Variants in SGCD observed in about 807,000 individuals in gnomAD.
The protein encoded by SGCD is sarcoglycan delta.
SGCD carries 18 observed loss-of-function variants against 36.6 expected under a neutral mutation model. That is an observed-to-expected ratio of 0.49 (90% CI 0.34 to 0.73). SGCD has a LOEUF of 0.73. Among genes scored for constraint, SGCD ranks in the 30% least tolerant of loss-of-function variants. SGCD has a pLI of 0.01. For missense variants in SGCD, 387 were observed against 346.7 expected, an observed-to-expected ratio of 1.12 and a Z score of -0.92; for synonymous variants, 133 against 130.6, an observed-to-expected ratio of 1.02 and a Z score of -0.12.
At chr5:156,691,244 C>G (rs919929566) in intron 7 of SGCD, among the ~76,000 whole-genome samples, 1 of 149,718 alleles carries the variant, frequency 6.7e-6, no homozygotes, top group Non-Finnish European at 1.5e-5. Flanking sequence ...ACCCAAACTT[C>G]CATTATAGAC....
chr5:155,861,380 G>A, the SGCD span, among the ~76,000 whole-genome samples: 2 of 152,084 alleles, frequency 1.3e-5, no homozygotes, highest in Non-Finnish European at 2.9e-5. Context: ...GCAGTTCAGG[G>A]TGCTGTTTTT....
chr5:156,256,999 C>G (rs575753082), intron 3 of SGCD, among the ~76,000 whole-genome samples: 1 of 151,858 alleles, frequency 6.6e-6, no homozygotes. Flanking sequence ...GGCAACATAA[C>G]GAGACCCCCA....
intron 1 of SGCD, among the ~76,000 whole-genome samples, chr5:155,880,758 C>G (rs771660218): frequency 2.0e-5 from 3 of 152,062 alleles, no homozygotes; most frequent in Non-Finnish European, 4.4e-5. Flanking sequence ...TTTGCATTCT[C>G]AACAGGAAGT....
chr5:155,782,834 G>A, the SGCD span, among the ~76,000 whole-genome samples: 15 of 152,124 alleles, frequency 9.9e-5, no homozygotes, highest in Non-Finnish European at 1.9e-4. Context: ...ATCTGAGGTG[G>A]AACAGTTCAT....
intron 1 of SGCD, among the ~76,000 whole-genome samples, chr5:156,002,332 T>C (rs1435779387): frequency 1.3e-5 from 2 of 152,328 alleles, no homozygotes; most frequent in South Asian, 4.1e-4. Context: ...CGGCCCTACC[T>C]ACCCTTTGGT....
chr5:155,998,122 A>G (rs1758593333), intron 1 of SGCD, among the ~76,000 whole-genome samples: 1 of 152,216 alleles, frequency 6.6e-6, no homozygotes, highest in Non-Finnish European at 1.5e-5. Flanking sequence ...CAGATGCTGG[A>G]TGCTTTTAAT....
the SGCD span, among the ~76,000 whole-genome samples, chr5:155,818,832 T>A: frequency 6.6e-6 from 1 of 152,180 alleles, no homozygotes; most frequent in Non-Finnish European, 1.5e-5. Flanking sequence ...GGAATGGAGA[T>A]ACTTACGGAG....
In SGCD at chr5:156,293,189, CT is replaced by C. The variant is rs758517517; in HGVS notation, c.-43-36344del. Among the ~76,000 whole-genome samples, 34 of 152,150 alleles carry C rather than the reference CT, an allele frequency of 2.2e-4. No homozygotes were observed. In the East Asian group the frequency reaches 3.1e-3, roughly 14 times the overall value. ...TTCAAGGCTCAAGTGATCCTCCTGC[CT>C]CAGTTTTCCAAACAGCTGAAATTAG... On this transcript the variant is annotated intron_variant, in intron 3 of 9. Transcript: ENST00000517913.
At chr5:155,943,100 C>A (rs991716919) in intron 1 of SGCD, among the ~76,000 whole-genome samples, 1 of 152,118 alleles carries the variant, frequency 6.6e-6, no homozygotes, top group Non-Finnish European at 1.5e-5. Flanking sequence ...AGTAGATTTT[C>A]CATAGAGGTT....
intron 3 of SGCD, among the ~76,000 whole-genome samples, chr5:156,453,376 C>T (rs190032833): frequency 2.0e-5 from 3 of 152,248 alleles, no homozygotes; most frequent in African/African-American, 7.2e-5. Flanking sequence ...GCACCCCCAC[C>T]ATCACAAGTA....
intron 1 of SGCD, among the ~76,000 whole-genome samples, chr5:156,078,681 C>T (rs1293046096): frequency 1.4e-5 from 2 of 146,178 alleles, no homozygotes; most frequent in Admixed American, 6.9e-5. Flanking sequence ...CATATATATG[C>T]GTGTGTGTGT....
At chr5:155,906,659 CTT>C in intron 1 of SGCD, among the ~76,000 whole-genome samples, 1 of 152,250 alleles carries the variant, frequency 6.6e-6, no homozygotes, top group Non-Finnish European at 1.5e-5. Flanking sequence ...CCCTAACTCT[CTT>C]TAATTCTTTG....
intron 3 of SGCD, among the ~76,000 whole-genome samples, chr5:156,389,249 G>A (rs1258243260): frequency 3.9e-5 from 6 of 152,136 alleles, no homozygotes. Flanking sequence ...ATTTGAAATT[G>A]TGCCATGGAG....
intron 3 of SGCD, among the ~76,000 whole-genome samples, chr5:156,452,015 A>C (rs1754041277): frequency 6.6e-6 from 1 of 152,148 alleles, no homozygotes. Flanking sequence ...GAGAGAAGCT[A>C]CTTCCCTTGC....
intron 3 of SGCD, among the ~76,000 whole-genome samples, chr5:156,242,041 T>C (rs138744700): frequency 3.3e-5 from 5 of 152,250 alleles, no homozygotes; most frequent in Middle Eastern, 3.4e-3. Context: ...AGGGGGTTCA[T>C]ACAAAAATCC....
intron 3 of SGCD, among the ~76,000 whole-genome samples, chr5:156,487,930 T>C (rs2127846297): frequency 7.0e-6 from 1 of 142,018 alleles, no homozygotes; most frequent in East Asian, 2.0e-4. Flanking sequence ...CAGAAAAAAT[T>C]CATAATCTCA....
chr5:156,058,761 T>C (rs1760127682), intron 1 of SGCD, among the ~76,000 whole-genome samples: 2 of 146,308 alleles, frequency 1.4e-5, no homozygotes, highest in Non-Finnish European at 3.1e-5. Context: ...TTTATAAAGA[T>C]ATATAATGGA....
At chr5:156,286,780 A>T (rs1766612152) in intron 3 of SGCD, among the ~76,000 whole-genome samples, 1 of 152,156 alleles carries the variant, frequency 6.6e-6, no homozygotes, top group African/African-American at 2.4e-5. Context: ...ATATGTAACA[A>T]ACCTGCACGT....
At chr5:156,504,692 C>T (rs1292674765) in intron 3 of SGCD, among the ~76,000 whole-genome samples, 1 of 151,922 alleles carries the variant, frequency 6.6e-6, no homozygotes, top group African/African-American at 2.4e-5. Flanking sequence ...TATTTCCTTA[C>T]GATGAAATCC....
Sources: gnomAD v4.1 joint callset for allele counts (sites outside exome capture counted in the v4.1 genomes callset) on GRCh38, gnomAD v4.1.1 for gene constraint, MANE v1.5 for transcripts, NCBI Gene and HGNC (gene_info 2026-07-23, HGNC 2026-07-21) for gene names.